Variants in SUCLG2 observed in about 807,000 individuals in gnomAD.
SUCLG2 encodes the protein succinate--CoA ligase [GDP-forming] subunit beta, mitochondrial.
In SUCLG2, 42 loss-of-function variants were observed where a neutral mutation model predicts 47.9. That is an observed-to-expected ratio of 0.88 (90% CI 0.69 to 1.14). The LOEUF is 1.14. SUCLG2 is among the 50% of genes most tolerant of loss of function. The pLI is 0.00. For synonymous variants in SUCLG2, 195 were observed against 197.3 expected (o/e 0.99, Z 0.10); for missense variants, 571 against 525.9 (o/e 1.09, Z -0.84).
intron 1 of SUCLG2, among the ~76,000 whole-genome samples, chr3:67,631,517 C>T (rs888366616): frequency 1.3e-5 from 2 of 152,110 alleles, no homozygotes. Flanking sequence ...ATCCCAGCTA[C>T]TCGGGAGGCT....
rs200258318 is a variant in SUCLG2 at position 67,488,031 on chromosome 3, T to TA, written c.1062+7766dup. Among the ~76,000 whole-genome samples the TA allele has an allele frequency of 6.8e-3, 1,025 of 151,250 alleles. 13 individuals are homozygous for TA. Among genetic ancestry groups the TA allele is most frequent in the African/African-American group, 0.021 (878 of 41,258 alleles). Reference sequence around the variant, plus strand: ...ACTGTACTAGGACAGGCAAAACACATAAAAAAAAGAAAGAAAGCAGACTAT... The same window carrying TA: ...ACTGTACTAGGACAGGCAAAACACATAAAAAAAAAGAAAGAAAGCAGACTAT... On this transcript the variant is annotated intron_variant, in intron 9 of 10. Coordinates refer to ENST00000307227, the MANE Select transcript of SUCLG2 (RefSeq NM_003848.4).
At chr3:67,580,172 T>TA (rs1335938142) in intron 2 of SUCLG2, among the ~76,000 whole-genome samples, 3 of 152,074 alleles carry the variant, frequency 2.0e-5, no homozygotes, top group Non-Finnish European at 4.4e-5. Flanking sequence ...GAATACAACG[T>TA]AAAAATCCCT....
chr3:67,360,810 A>C, intron 10 of SUCLG2: 4 of 1,456,924 alleles, frequency 2.7e-6, no homozygotes, highest in Non-Finnish European at 3.6e-6. Context: ...TTTTTCTTGC[A>C]ATATATTTAG....
chr3:67,593,764 A>G (rs1230013232), intron 2 of SUCLG2, among the ~76,000 whole-genome samples: 3 of 152,182 alleles, frequency 2.0e-5, no homozygotes, highest in Admixed American at 2.0e-4. Context: ...AGCAATCAAG[A>G]GCAGTTGGTC....
At chr3:67,595,525 G>C (rs961262999) in intron 2 of SUCLG2, among the ~76,000 whole-genome samples, 1 of 152,088 alleles carries the variant, frequency 6.6e-6, no homozygotes, top group African/African-American at 2.4e-5. Flanking sequence ...TGAAGAGATG[G>C]CTCTGCGTCC....
At chr3:67,533,318 T>C (rs184899681) in intron 2 of SUCLG2, among the ~76,000 whole-genome samples, 1 of 152,352 alleles carries the variant, frequency 6.6e-6, no homozygotes, top group Non-Finnish European at 1.5e-5. Context: ...GTATCACTGA[T>C]ACTGCAATGA....
chr3:67,610,992 T>C (rs145898973), intron 1 of SUCLG2, among the ~76,000 whole-genome samples: 14 of 152,316 alleles, frequency 9.2e-5, no homozygotes, highest in Admixed American at 7.2e-4. Flanking sequence ...GTGCTTGACA[T>C]ATGAAAGACA....
Position 67,375,874 on chromosome 3 carries a change from G to T in SUCLG2, c.1184-15C>A. On this transcript the variant is annotated splice_polypyrimidine_tract_variant and intron_variant, in intron 10 of 10. Coordinates refer to ENST00000307227, the MANE Select transcript of SUCLG2 (RefSeq NM_003848.4). Reference sequence around the variant, plus strand: ...GACGTTGGTTCCTAGAAGGGGGACAGGGAACAATCACTGAATGAAACTAGA... The same window carrying T: ...GACGTTGGTTCCTAGAAGGGGGACATGGAACAATCACTGAATGAAACTAGA... The T allele has an allele frequency of 1.2e-6, 2 of 1,610,824 alleles. No individual in the cohort carries two copies. Among genetic ancestry groups the T allele is most frequent in the Non-Finnish European group, 1.7e-6 (2 of 1,178,486 alleles).
exon 11 of SUCLG2, chr3:67,360,497 C>A: frequency 1.1e-6 from 1 of 937,556 alleles, no homozygotes; most frequent in Non-Finnish European, 1.5e-6. Context: ...GAATGAACAG[C>A]TATAAGCCAT....
chr3:67,429,738 T>C (rs1212957262), intron 9 of SUCLG2, among the ~76,000 whole-genome samples: 2 of 151,692 alleles, frequency 1.3e-5, no homozygotes, highest in African/African-American at 2.4e-5. Flanking sequence ...AGGCTCAAAA[T>C]AAAGGGATGG....
chr3:67,518,369 G>A (rs1706008075), intron 5 of SUCLG2, 33 bp from the exon 6 acceptor site: 1 of 1,578,302 alleles, frequency 6.3e-7, no homozygotes, highest in East Asian at 2.2e-5. Context: ...ACAAAATTCA[G>A]ACAGTCAACT....
In SUCLG2 at chr3:67,461,150, A is replaced by T. The variant is rs571024858; in HGVS notation, c.1062+34648T>A. Among the ~76,000 whole-genome samples, 5 of 152,272 alleles carry T rather than the reference A, an allele frequency of 3.3e-5. No homozygotes were observed. In the East Asian group the frequency reaches 9.6e-4, roughly 29 times the overall value. On this transcript the variant is annotated intron_variant, in intron 9 of 10. Coordinates refer to ENST00000307227, the MANE Select transcript of SUCLG2 (RefSeq NM_003848.4). ...TTTCTTTTTATGAGTTTTTAAGAAAATGCCTTTTAAAATTTCTCTTCCAAG... is the reference window on the plus strand; with the variant it reads ...TTTCTTTTTATGAGTTTTTAAGAAATTGCCTTTTAAAATTTCTCTTCCAAG...
chr3:67,609,127 C>T (rs576881643), intron 2 of SUCLG2, among the ~76,000 whole-genome samples: 15 of 152,312 alleles, frequency 9.8e-5, no homozygotes, highest in Non-Finnish European at 2.1e-4. Flanking sequence ...GGAAGAAAGG[C>T]TCTATTCTCC....
intron 2 of SUCLG2, among the ~76,000 whole-genome samples, chr3:67,565,624 C>T (rs1304087881): frequency 6.6e-6 from 1 of 152,194 alleles, no homozygotes; most frequent in Non-Finnish European, 1.5e-5. Context: ...AGTTTGTAAA[C>T]TCTCTGGTTG....
At chr3:67,593,843 A>G (rs1708231550) in intron 2 of SUCLG2, among the ~76,000 whole-genome samples, 1 of 152,104 alleles carries the variant, frequency 6.6e-6, no homozygotes, top group Non-Finnish European at 1.5e-5. Flanking sequence ...ACTAGCCCCA[A>G]TTCCTCATCT....
At chr3:67,411,634 T>C (rs1218915468) in intron 9 of SUCLG2, among the ~76,000 whole-genome samples, 1 of 152,166 alleles carries the variant, frequency 6.6e-6, no homozygotes, top group African/African-American at 2.4e-5. Flanking sequence ...TCATTACAAA[T>C]CTCACTAGTA....
chr3:67,621,786 T>G (rs993080810), intron 1 of SUCLG2, among the ~76,000 whole-genome samples: 3 of 152,192 alleles, frequency 2.0e-5, no homozygotes, highest in South Asian at 4.1e-4. Context: ...CCTTTGACCT[T>G]GGACTCCTCA....
At position 67,495,371 on chromosome 3, in the gene SUCLG2, T is replaced by C. The variant is rs149974346; in HGVS notation, c.1062+427A>G. Among the ~76,000 whole-genome samples the C allele has an allele frequency of 6.6e-5, 10 of 152,270 alleles. No homozygotes were observed. The East Asian group carries it at 1.9e-3, about 29-fold the overall frequency. On this transcript the variant is annotated intron_variant, in intron 9 of 10. Transcript: ENST00000307227. ...CCAATGTGATATAAGACAGAAGTTG[T>C]GGGCTGGGCGCGGTGGCTCATGCCT...
At chr3:67,598,613 C>CAG (rs1462893049) in intron 2 of SUCLG2, among the ~76,000 whole-genome samples, 3 of 152,178 alleles carry the variant, frequency 2.0e-5, no homozygotes, top group African/African-American at 4.8e-5. Context: ...GGTCACCTCA[C>CAG]AACTATGTTG....
Sources: allele counts gnomAD v4.1 joint callset (sites outside exome capture counted in the v4.1 genomes callset), GRCh38; gene constraint gnomAD v4.1.1; transcripts MANE v1.5; gene names NCBI Gene and HGNC (gene_info 2026-07-23, HGNC 2026-07-21).